The following SCRN1 variants were observed in gnomAD, a reference collection of about 807,000 sequenced individuals.
SCRN1 encodes the protein secernin 1.
A neutral mutation model predicts 43.3 loss-of-function variants in SCRN1; 19 were observed. The ratio of observed to expected loss-of-function variants is 0.44; its 90% CI spans 0.31 to 0.64. The LOEUF is 0.64. Among genes scored for constraint, SCRN1 ranks in the 30% least tolerant of loss-of-function variants. SCRN1 has a pLI of 0.09. For missense variants in SCRN1, 447 were observed against 524.1 expected, an observed-to-expected ratio of 0.85 and a Z score of 1.44; for synonymous variants, 183 against 188.9, an observed-to-expected ratio of 0.97 and a Z score of 0.26.
intron 1 of SCRN1, among the ~76,000 whole-genome samples, chr7:29,988,213 CTCTTT>C (rs2127936254): frequency 6.6e-6 from 1 of 152,270 alleles, no homozygotes; most frequent in Admixed American, 6.5e-5. Flanking sequence ...GTGCACACAT[CTCTTT>C]TAAGAGCTTG....
chr7:29,938,405 A>T (rs1787413985), intron 5 of SCRN1, among the ~76,000 whole-genome samples: 1 of 152,206 alleles, frequency 6.6e-6, no homozygotes, highest in Non-Finnish European at 1.5e-5. Flanking sequence ...TGGCATCCTC[A>T]TGGCATTATT....
At chr7:29,960,477 T>C (rs1788272606) in intron 2 of SCRN1, among the ~76,000 whole-genome samples, 1 of 152,170 alleles carries the variant, frequency 6.6e-6, no homozygotes, top group African/African-American at 2.4e-5. Flanking sequence ...AAAGAAAGAC[T>C]CTTTTAAAAA....
chr7:29,923,708 A>G lies in SCRN1; in HGVS notation c.*249T>C. 1 of 394,914 alleles carries G rather than the reference A, an allele frequency of 2.5e-6. No individual in the cohort carries two copies. Among genetic ancestry groups the G allele is most frequent in the Non-Finnish European group, 4.6e-6 (1 of 219,756 alleles). The allele number at this position is 394,914 out of a possible 1,614,324, so 24.5% of individuals were successfully genotyped here. On this transcript the variant is annotated 3_prime_UTR_variant, in exon 8 of 8. Coordinates refer to ENST00000242059, the MANE Select transcript of SCRN1 (RefSeq NM_014766.5). ...ATACAATAATAGCAGCTTAAAATCC[A>G]CAATTAGTCACACAACCGAACAACA...
chr7:29,958,086 A>G (rs1300523657), intron 2 of SCRN1, among the ~76,000 whole-genome samples: 2 of 152,134 alleles, frequency 1.3e-5, no homozygotes, highest in Non-Finnish European at 2.9e-5. Flanking sequence ...CAGCCCTCCT[A>G]AGCACCAGAC....
At chr7:29,958,488 T>C (rs1788206284) in intron 2 of SCRN1, among the ~76,000 whole-genome samples, 1 of 152,192 alleles carries the variant, frequency 6.6e-6, no homozygotes, top group Non-Finnish European at 1.5e-5. Context: ...GAAGTGGGAT[T>C]TGAGGAAGCA....
rs891284997 is a variant in SCRN1 at position 29,949,251 on chromosome 7, G to A, written c.342-5072C>T. 6.6e-5 allele frequency among the ~76,000 whole-genome samples: 10 copies of A among 151,330 alleles called. 1 individual carries two copies. The highest frequency in any genetic ancestry group is 2.4e-4 in the African/African-American group (10 of 41,234). On this transcript the variant is annotated intron_variant, in intron 3 of 7. Coordinates refer to ENST00000242059, the MANE Select transcript of SCRN1 (RefSeq NM_014766.5). Reference sequence around the variant, plus strand: ...AATGGCGTGAACCCAGGAGGCGGAGGTTGCAGTGAGCCGAGATGGTGCCAC... The same window carrying A: ...AATGGCGTGAACCCAGGAGGCGGAGATTGCAGTGAGCCGAGATGGTGCCAC...
chr7:29,938,661 A>C (rs1787425628), intron 5 of SCRN1, among the ~76,000 whole-genome samples: 1 of 152,260 alleles, frequency 6.6e-6, no homozygotes, highest in Admixed American at 6.5e-5. Context: ...CCTGCTGCAG[A>C]TAACTAGCCA....
intron 1 of SCRN1, among the ~76,000 whole-genome samples, chr7:29,970,997 T>C (rs555810611): frequency 6.6e-6 from 1 of 152,324 alleles, no homozygotes; most frequent in African/African-American, 2.4e-5. Flanking sequence ...ATAGTAGCCC[T>C]TTCCCCAACC....
At chr7:29,945,231 A>G (rs1272041963) in intron 3 of SCRN1, among the ~76,000 whole-genome samples, 1 of 152,094 alleles carries the variant, frequency 6.6e-6, no homozygotes, top group South Asian at 2.1e-4. Flanking sequence ...GAGGGCACTG[A>G]TATGGTTTGG....
At chr7:29,989,934 G>A, upstream of SCRN1, 1 of 1,220,178 alleles carries the variant, frequency 8.2e-7, no homozygotes, top group East Asian at 4.5e-5. Context: ...GGGCCGCGGC[G>A]CTGCTCACCG....
intron 3 of SCRN1, among the ~76,000 whole-genome samples, chr7:29,944,986 G>C (rs1450148971): frequency 6.6e-6 from 1 of 152,150 alleles, no homozygotes; most frequent in East Asian, 1.9e-4. Flanking sequence ...GTGTTCAAAT[G>C]CCAGACATTA....
rs761907180 is a variant in SCRN1, at chr7:29,947,285, A to G, written c.342-3106T>C. Reference sequence around the variant, plus strand: ...CCATGACCTTCTCACAGGTATGTCAAGCTCACCCTGCCCGTTCCTGAAAAG... The same window carrying G: ...CCATGACCTTCTCACAGGTATGTCAGGCTCACCCTGCCCGTTCCTGAAAAG... On this transcript the variant is annotated intron_variant, in intron 3 of 7. Coordinates refer to ENST00000242059, the MANE Select transcript of SCRN1 (RefSeq NM_014766.5). 1.4e-5 allele frequency: 22 copies of G among 1,550,716 alleles called. No individual in the cohort carries two copies. The South Asian group carries it at 2.5e-4, about 18-fold the overall frequency.
In SCRN1 at chr7:29,943,865, G is replaced by A. The variant is rs900903105; in HGVS notation, c.544+112C>T. The A allele has an allele frequency of 4.1e-6, 4 of 977,606 alleles. No individual in the cohort carries two copies. In the African/African-American group the frequency reaches 4.8e-5, roughly 12 times the overall value. 60.6% of individuals were successfully genotyped at this position (977,606 alleles called of 1,614,324 possible). ...CCAAAGCATGACAGTCCCACACAGA[G>A]AGGACCTGCAACGGCACGTCTTTCT... On this transcript the variant is annotated intron_variant, in intron 4 of 7. Transcript: ENST00000242059.
chr7:29,990,044 G>A (rs1002106828), upstream of SCRN1: 11 of 1,486,264 alleles, frequency 7.4e-6, no homozygotes, highest in African/African-American at 1.4e-4. Context: ...TTTCTTGGTT[G>A]TGGCTCTCAA....
In SCRN1 at chr7:29,957,942, T is replaced by C. The variant is rs560761089; in HGVS notation, c.160-2582A>G. On this transcript the variant is annotated intron_variant, in intron 2 of 7. Coordinates refer to ENST00000242059, the MANE Select transcript of SCRN1 (RefSeq NM_014766.5). ...TACAGATTGCCTGATTAAAAAAATG[T>C]TGACAATTGAATCAAAAAGACCAGA... Among the ~76,000 whole-genome samples the C allele has an allele frequency of 1.3e-4, 20 of 152,274 alleles. No individual in the cohort carries two copies. In the South Asian group the frequency reaches 3.1e-3, roughly 24 times the overall value.
chr7:29,927,439 G>A (rs972973398), intron 6 of SCRN1, among the ~76,000 whole-genome samples: 1 of 139,724 alleles, frequency 7.2e-6, no homozygotes, highest in Non-Finnish European at 1.5e-5. Context: ...AACGGGCTAA[G>A]GGACCACTAT....
At chr7:29,947,969 G>T (rs1787790228) in intron 3 of SCRN1, among the ~76,000 whole-genome samples, 2 of 152,184 alleles carry the variant, frequency 1.3e-5, no homozygotes, top group Non-Finnish European at 2.9e-5. Context: ...AGATTTCCCA[G>T]TCTCTAGGAA....
Position 29,920,912 on chromosome 7 carries a change from A to G in SCRN1, c.*3045T>C, listed in dbSNP as rs1293647057. ...ACTCGTTCTAATAACACCAGGTCTT[A>G]TATTATTGAGCACTAAGGAACCTCC... On this transcript the variant is annotated 3_prime_UTR_variant, in exon 8 of 8. Coordinates refer to ENST00000242059, the MANE Select transcript of SCRN1 (RefSeq NM_014766.5). The G allele has an allele frequency of 1.3e-5, 2 of 152,300 alleles. No homozygotes were observed. Among genetic ancestry groups the G allele is most frequent in the Non-Finnish European group, 2.9e-5 (2 of 68,038 alleles). The allele number at this position is 152,300 out of a possible 1,614,324, so 9.4% of individuals were successfully genotyped here. A position where few individuals can be genotyped will look rare whatever the true frequency, so the allele number is the denominator to read the frequency against.
At chr7:29,990,246 T>C (rs1301019337), upstream of SCRN1, 1 of 1,551,508 alleles carries the variant, frequency 6.4e-7, no homozygotes, top group Non-Finnish European at 8.7e-7. Context: ...ACCATGTTGG[T>C]AAGCCAGACC....
Sources: allele counts gnomAD v4.1 joint callset (sites outside exome capture counted in the v4.1 genomes callset), GRCh38; gene constraint gnomAD v4.1.1; transcripts MANE v1.5; gene names NCBI Gene and HGNC (gene_info 2026-07-23, HGNC 2026-07-21).